Variants in SLC38A8 observed in about 807,000 individuals in gnomAD.
SLC38A8 encodes amino acid transporter SLC38A8.
A neutral mutation model predicts 46.0 loss-of-function variants in SLC38A8; 65 were observed. That is an observed-to-expected ratio of 1.41 (90% CI 1.16 to 1.74). The LOEUF (loss-of-function observed/expected upper bound fraction) is 1.74, where lower values mean the gene tolerates loss of function less well. Ranked by LOEUF, SLC38A8 falls within the 40% of genes most tolerant of loss-of-function variation. SLC38A8 has a pLI of 0.00. For synonymous variants in SLC38A8, 447 were observed against 243.7 expected (o/e 1.83, Z -7.77); for missense variants, 998 against 567.9 (o/e 1.76, Z -7.70).
chr16:84,036,797 G>C lies in SLC38A8; in HGVS notation c.293C>G (p.Pro98Arg). The C allele has an allele frequency of 6.2e-7, 1 of 1,614,130 alleles. No individual in the cohort carries two copies. The highest frequency in any genetic ancestry group is 8.5e-7 in the Non-Finnish European group (1 of 1,180,026). Residue 98 changes from proline to arginine, a missense_variant, in exon 3 of 11, where the codon CCT (proline) becomes CGT (arginine). By Grantham distance (103) the Pro-to-Arg change is moderately radical (BLOSUM62 -2). Coordinates refer to ENST00000299709, the MANE Select transcript of SLC38A8 (RefSeq NM_001080442.3). ...GGCCTCACACAGCTTCCCAATGGCA[G>C]GGCCACACAGCCCCCTGACCACACC... is the stretch of plus-strand genomic sequence containing the variant. ...YQGVVRGLCG[P>R]AIGKLCEACF...
At chr16:84,023,001 T>C in intron 6 of SLC38A8, 112 bp from the exon 7 acceptor site, 2 of 675,330 alleles carry the variant, frequency 3.0e-6, no homozygotes, top group Middle Eastern at 4.1e-4. Context: ...AGGTTTCTCT[T>C]GAAATAGCCT....
intron 3 of SLC38A8, among the ~76,000 whole-genome samples, chr16:84,036,324 G>T (rs575603217): frequency 6.6e-6 from 1 of 152,234 alleles, no homozygotes; most frequent in East Asian, 1.9e-4. Context: ...AGTCTTAGTC[G>T]GGAACTCGAG....
At chr16:84,029,680 T>TGACG in intron 5 of SLC38A8, 129 bp from the exon 6 acceptor site, 1 of 925,688 alleles carries the variant, frequency 1.1e-6, no homozygotes, top group South Asian at 1.6e-5. Flanking sequence ...GTATTTTTAA[T>TGACG]GACTGTGTCC....
rs571965977 is a variant in SLC38A8, at chr16:84,012,330, A to G, written c.1214+671T>C. On this transcript the variant is annotated intron_variant, in intron 10 of 10. Coordinates refer to ENST00000299709, the MANE Select transcript of SLC38A8 (RefSeq NM_001080442.3). ...ACTCAGCTGCTCAGTGGCAAAGTAC[A>G]GAGGCTCAGTCGTGTCTGATCCACA... Among the ~76,000 whole-genome samples, 42 of 152,354 alleles carry G rather than the reference A, an allele frequency of 2.8e-4. No individual in the cohort carries two copies. In the South Asian group the frequency reaches 7.9e-3, roughly 29 times the overall value.
In SLC38A8 at chr16:84,042,109, G is replaced by T. The variant is rs2085374833; in HGVS notation, c.49C>A (p.Pro17Thr). 6.2e-7 allele frequency: 1 copy of T among 1,613,924 alleles called. No individual in the cohort carries two copies. The highest frequency in any genetic ancestry group is 8.5e-7 in the Non-Finnish European group (1 of 1,179,954). The change falls in exon 2 of 11, where the codon CCT becomes ACT. Residue 17 changes from proline (P) to threonine (T), a missense_variant. Coordinates refer to ENST00000299709, the MANE Select transcript of SLC38A8 (RefSeq NM_001080442.3). ...GSRGLPEKPH[P>T]ATAAATLSSM... ...GACAGAGTGGCAGCAGCCGTGGCAG[G>T]GTGAGGCTTTTCTGGAAGGCCCCTG...
chr16:84,013,161 C>T lies in SLC38A8; in HGVS notation c.1163-109G>A, dbSNP rs1316828637. ...CCAGGAGGCCAGCAAGGCCTCCGCCCATGGGTGCCCCTGGCTCAGGCCCCC... is the reference window on the plus strand; with the variant it reads ...CCAGGAGGCCAGCAAGGCCTCCGCCTATGGGTGCCCCTGGCTCAGGCCCCC... On this transcript the variant is annotated intron_variant, in intron 9 of 10. Transcript: ENST00000299709. The T allele has an allele frequency of 1.6e-4, 203 of 1,264,406 alleles. 1 individual carries two copies. The highest frequency in any genetic ancestry group is 1.0e-3 in the South Asian group (77 of 74,118). 78.3% of individuals were successfully genotyped at this position (1,264,406 alleles called of 1,614,324 possible).
chr16:84,037,640 A>G (rs1361013165), intron 2 of SLC38A8, among the ~76,000 whole-genome samples: 1 of 152,008 alleles, frequency 6.6e-6, no homozygotes, highest in Admixed American at 6.6e-5. Context: ...AGATGCCTGT[A>G]GTCCCAGCTA....
intron 2 of SLC38A8, among the ~76,000 whole-genome samples, chr16:84,037,181 A>G (rs1242341966): frequency 6.6e-6 from 1 of 152,228 alleles, no homozygotes; most frequent in Non-Finnish European, 1.5e-5. Context: ...CAGTGGGATA[A>G]ATGAGACATC....
chr16:84,013,218 G>T (rs934521336), intron 9 of SLC38A8, among the ~76,000 whole-genome samples, 166 bp from the exon 10 acceptor site: 4 of 152,162 alleles, frequency 2.6e-5, no homozygotes, highest in African/African-American at 7.2e-5. Context: ...CTGGAAGGAC[G>T]GGGCTGGAGT....
At chr16:84,012,341 C>G (rs574766279) in intron 10 of SLC38A8, among the ~76,000 whole-genome samples, 1 of 152,266 alleles carries the variant, frequency 6.6e-6, no homozygotes, top group African/African-American at 2.4e-5. Flanking sequence ...GAGGCTCAGT[C>G]GTGTCTGATC....
chr16:84,039,743 CAAAAAA>C (rs56074069), intron 2 of SLC38A8, among the ~76,000 whole-genome samples: 5,485 of 85,804 alleles, frequency 0.064, 264 homozygotes, highest in African/African-American at 0.19. Flanking sequence ...GTGAGACCTT[CAAAAAA>C]AAAAAAAAAA....
intron 5 of SLC38A8, 54 bp from the exon 6 acceptor site, chr16:84,029,605 C>T: frequency 1.9e-6 from 3 of 1,563,934 alleles, no homozygotes; most frequent in South Asian, 1.1e-5. Flanking sequence ...CCCGGAACAA[C>T]CTGCGGCTGC....
chr16:84,013,149 A>G, intron 9 of SLC38A8, 97 bp from the exon 10 acceptor site: 4 of 1,415,420 alleles, frequency 2.8e-6, no homozygotes, highest in Non-Finnish European at 3.9e-6. Context: ...GGAGGCCAGC[A>G]AGGCCTCCGC....
chr16:84,025,989 A>G (rs11866810), intron 6 of SLC38A8, among the ~76,000 whole-genome samples: 30,913 of 152,236 alleles, frequency 0.2, 4,655 homozygotes, highest in African/African-American at 0.42. Context: ...CTGTGGTCCT[A>G]GAGCCCCAGT....
At chr16:84,037,655 T>C (rs1053975884) in intron 2 of SLC38A8, among the ~76,000 whole-genome samples, 1 of 151,478 alleles carries the variant, frequency 6.6e-6, no homozygotes, top group African/African-American at 2.4e-5. Context: ...CAGCTACTCA[T>C]GAGGCTGAGG....
Position 84,042,007 on chromosome 16 carries a change from T to G in SLC38A8, c.151A>C (p.Lys51Gln). The G allele has an allele frequency of 6.2e-7, 1 of 1,611,582 alleles. No homozygotes were observed. The highest frequency in any genetic ancestry group is 8.5e-7 in the Non-Finnish European group (1 of 1,178,650). Residue 51 changes from lysine to glutamine, a missense_variant, in exon 2 of 11, where the codon AAA (lysine) becomes CAA (glutamine). Transcript: ENST00000299709. ...AAGGCAGGGACCACTCCGCCCGCTTTGGAGAAGGCCCAGGGGAAGTTGAGC... is the reference window on the plus strand; with the variant it reads ...AAGGCAGGGACCACTCCGCCCGCTTGGGAGAAGGCCCAGGGGAAGTTGAGC... ...GLLNFPWAFS[K>Q]AGGVVPAFLV...
At chr16:84,024,639 G>T (rs528240405) in intron 6 of SLC38A8, among the ~76,000 whole-genome samples, 4 of 152,084 alleles carry the variant, frequency 2.6e-5, no homozygotes, top group Admixed American at 1.3e-4. Flanking sequence ...AAATTAGTCA[G>T]GTGTGGTGGC....
intron 7 of SLC38A8, among the ~76,000 whole-genome samples, chr16:84,019,919 C>T (rs957287551): frequency 1.3e-5 from 2 of 152,272 alleles, no homozygotes; most frequent in Non-Finnish European, 2.9e-5. Flanking sequence ...CCTGGACACA[C>T]TGAGGCAACC....
At chr16:84,021,563 C>T (rs2085096813) in intron 7 of SLC38A8, among the ~76,000 whole-genome samples, 1 of 152,156 alleles carries the variant, frequency 6.6e-6, no homozygotes, top group African/African-American at 2.4e-5. Flanking sequence ...TAAGAAGTTC[C>T]AAATGTTCCC....
Sources: gnomAD v4.1 joint callset for allele counts (sites outside exome capture counted in the v4.1 genomes callset) on GRCh38, gnomAD v4.1.1 for gene constraint, MANE v1.5 for transcripts, NCBI Gene and HGNC (gene_info 2026-07-23, HGNC 2026-07-21) for gene names.